The following USP19 variants were observed in gnomAD, a reference collection of about 807,000 sequenced individuals.
The protein encoded by USP19 is ubiquitin specific peptidase 19.
In USP19, 40 loss-of-function variants were observed where a neutral mutation model predicts 144.8. The observed-to-expected ratio is 0.28, with a 90% confidence interval of 0.21 to 0.36. USP19 has a LOEUF of 0.36. Ranked by LOEUF, USP19 falls within the 10% of genes least tolerant of loss-of-function variation. The pLI is 1.00. For missense variants in USP19, 1,518 were observed against 1,822.5 expected (o/e 0.83, Z 3.04); for synonymous variants, 701 against 709.3 (o/e 0.99, Z 0.19).
rs866395780 is a variant in USP19 at position 49,110,474 on chromosome 3, T to C, written c.3829A>G (p.Asn1277Asp). The C allele has an allele frequency of 1.2e-6, 2 of 1,614,172 alleles. No individual in the cohort carries two copies. Among genetic ancestry groups the C allele is most frequent in the Non-Finnish European group, 8.5e-7 (1 of 1,180,028 alleles). Residue 1277 changes from asparagine (N) to aspartate (D), a missense_variant, in exon 25 of 27, where the codon AAT becomes GAT. Physicochemically the swap from Asn to Asp is conservative, Grantham distance 23 (BLOSUM62 1). This residue lies in a region of USP19 where 122 missense variants were observed against 200.4 expected (regional missense o/e 0.61). Transcript: ENST00000417901. This position sits in a 1 kb window ranked among gnomAD's most constrained non-coding sequence, Gnocchi z 6.1. ...GHYTACARLPNDRSSQRSDVG... is the reference protein window; with the variant it reads ...GHYTACARLPDDRSSQRSDVG... ...TCACTGCGCTGACTGCTACGATCAT[T>C]GGGCAGGCGTGCACAGGCAGTGTAG...
intron 2 of USP19, among the ~76,000 whole-genome samples, chr3:49,118,746 C>CA (rs1360505546): frequency 5.5e-4 from 72 of 131,662 alleles, no homozygotes; most frequent in African/African-American, 1.1e-3. Context: ...GACTCCATCT[C>CA]AAAAAAAAAA....
chr3:49,110,112 C>A lies in USP19; in HGVS notation c.4038+72G>T. 1.4e-6 allele frequency: 2 copies of A among 1,428,832 alleles called. No homozygotes were observed. Among genetic ancestry groups the A allele is most frequent in the Non-Finnish European group, 1.8e-6 (2 of 1,092,244 alleles). 88.5% of individuals were successfully genotyped at this position (1,428,832 alleles called of 1,614,324 possible). A position where few individuals can be genotyped will look rare whatever the true frequency, so the allele number is the denominator to read the frequency against. On this transcript the variant is annotated intron_variant, in intron 26 of 26. Transcript: ENST00000417901. The surrounding 1 kb of genome is among the most constrained non-coding windows in gnomAD (Gnocchi z 6.1). The stretch of plus-strand genomic sequence containing the variant: ...GGGCCTGTGGCTGGAGGAGAGGAAG[C>A]TATATCCCCCAACCCGGCCCCAGTC...
chr3:49,108,419 ACCT>A lies in USP19; in HGVS notation c.4145_4147del (p.Glu1382del). 7.2e-7 allele frequency: 1 copy of A among 1,387,190 alleles called. No homozygotes were observed. Among genetic ancestry groups the A allele is most frequent in the Non-Finnish European group, 9.5e-7 (1 of 1,054,254 alleles). 85.9% of individuals were successfully genotyped at this position (1,387,190 alleles called of 1,614,324 possible). A position where few individuals can be genotyped will look rare whatever the true frequency, so the allele number is the denominator to read the frequency against. ...CCATCAGCCAGGGACCTGCTAATCC[ACCT>A]CCTCCATGTTGCTGTAGGTGGGGGC... is the stretch of plus-strand genomic sequence containing the variant. On this transcript the variant is annotated inframe_deletion, in exon 27 of 27. Coordinates refer to ENST00000417901, the MANE Select transcript of USP19 (RefSeq NM_001199161.2). This position sits in a 1 kb window ranked among gnomAD's most constrained non-coding sequence, Gnocchi z 4.8.
chr3:49,112,764 T>A lies in USP19; in HGVS notation c.2506-135A>T, dbSNP rs558531686. On this transcript the variant is annotated intron_variant, in intron 17 of 26. Transcript: ENST00000417901. This position sits in a 1 kb window ranked among gnomAD's most constrained non-coding sequence, Gnocchi z 4.9. ...AGGTCTGTAGGCCCAAATAGGCTTA[T>A]GCCTCTGCTGGCACCTGTCTCAGTG... The A allele has an allele frequency of 1.4e-4, 173 of 1,258,532 alleles. 2 individuals carry two copies. The South Asian group carries it at 2.7e-3, about 19-fold the overall frequency. 78.0% of individuals were successfully genotyped at this position (1,258,532 alleles called of 1,614,324 possible).
chr3:49,110,897 A>C lies in USP19; in HGVS notation c.3546-34T>G, dbSNP rs1377288261. 5 of 1,613,734 alleles carry C rather than the reference A, an allele frequency of 3.1e-6. 1 individual carries two copies. The Admixed American group carries it at 8.3e-5, about 27-fold the overall frequency. ...GACAGAGATTGGGTCAGGACCAGCA[A>C]GTCTCTCTCTTCTCCATCCTGCCCC... On this transcript the variant is annotated intron_variant, in intron 23 of 26. Coordinates refer to ENST00000417901, the MANE Select transcript of USP19 (RefSeq NM_001199161.2). The surrounding 1 kb of genome is among the most constrained non-coding windows in gnomAD (Gnocchi z 6.1).
intron 26 of USP19, chr3:49,109,319 G>T: frequency 8.5e-7 from 1 of 1,173,676 alleles, no homozygotes; most frequent in Non-Finnish European, 1.1e-6. Flanking sequence ...ACAGCAAGGA[G>T]GAAGGCAGGC....
In USP19 at chr3:49,115,913, C is replaced by T. The variant is rs1401929806; in HGVS notation, c.1503G>A (p.Pro501=). 3.8e-6 allele frequency: 6 copies of T among 1,563,488 alleles called. No homozygotes were observed. The highest frequency in any genetic ancestry group is 2.3e-5 in the East Asian group (1 of 44,418). Residue 501 remains proline (P), a synonymous_variant, in exon 11 of 27, where the codon CCG becomes CCA. Transcript: ENST00000417901. The surrounding 1 kb of genome is among the most constrained non-coding windows in gnomAD (Gnocchi z 6.6). ...GAVGGAKVAV[P]TGPTPLDSTP... ...TTGAATCCAGAGGGGTTGGACCTGT[C>T]GGCACGGCAACCTTTGCACCACCCA...
In USP19 at chr3:49,116,600, C is replaced by A. The variant is rs796052187; in HGVS notation, c.1134G>T (p.Glu378Asp). 1 of 1,614,164 alleles carries A rather than the reference C, an allele frequency of 6.2e-7. No individual in the cohort carries two copies. Among genetic ancestry groups the A allele is most frequent in the East Asian group, 2.2e-5 (1 of 44,886 alleles). ...TGACAAACGCCAGGTTCACCATCGA[C>A]TCGGGCTCTATATTGAGACCATGGC... Reference protein sequence around the residue: ...ADAATLVDEPESMVNLAFVKN... With the variant: ...ADAATLVDEPDSMVNLAFVKN... The change falls in exon 8 of 27, where the codon GAG becomes GAT. Residue 378 changes from glutamate (E) to aspartate (D), a missense_variant. Physicochemically the swap from Glu to Asp is conservative, Grantham distance 45. This residue lies in a region of USP19 where 707 missense variants were observed against 728.9 expected (regional missense o/e 0.97). Transcript: ENST00000417901. The surrounding 1 kb of genome is among the most constrained non-coding windows in gnomAD (Gnocchi z 5.0).
At chr3:49,113,736 T>C (rs958221308) in intron 17 of USP19, among the ~76,000 whole-genome samples, 3 of 152,208 alleles carry the variant, frequency 2.0e-5, no homozygotes, top group Admixed American at 2.0e-4. Flanking sequence ...TAGCTGGGAC[T>C]ATAACACGTA....
rs781460212 is a variant in USP19, at chr3:49,112,451, C to T, written c.2646+38G>A. The T allele has an allele frequency of 6.2e-7, 1 of 1,613,836 alleles. No homozygotes were observed. The highest frequency in any genetic ancestry group is 1.7e-5 in the Admixed American group (1 of 60,012). ...CAAGACCAGGAAGAAGTGCCCCACC[C>T]ACCAGGGCGCTGTGCCATCAGGTTG... On this transcript the variant is annotated intron_variant, in intron 18 of 26. Coordinates refer to ENST00000417901, the MANE Select transcript of USP19 (RefSeq NM_001199161.2). The surrounding 1 kb of genome is among the most constrained non-coding windows in gnomAD (Gnocchi z 4.9).
In USP19 at chr3:49,116,989, G is replaced by A. The variant is rs779533264; in HGVS notation, c.910-46C>T. 5.0e-5 allele frequency: 79 copies of A among 1,587,046 alleles called. No individual in the cohort carries two copies. Among genetic ancestry groups the A allele is most frequent in the Non-Finnish European group, 6.4e-5 (75 of 1,164,944 alleles). On this transcript the variant is annotated intron_variant, in intron 6 of 26. Transcript: ENST00000417901. The surrounding 1 kb of genome is among the most constrained non-coding windows in gnomAD (Gnocchi z 5.0). ...GAAAGAATCAGCCCTGGGTCTGCCA[G>A]GTGGCTCCCACTCCAGTGCACACCC...
chr3:49,108,817 G>T lies in USP19; in HGVS notation c.4039-289C>A. 2.1e-6 allele frequency: 3 copies of T among 1,443,840 alleles called. No homozygotes were observed. The highest frequency in any genetic ancestry group is 2.7e-6 in the Non-Finnish European group (3 of 1,098,510). 89.4% of individuals were successfully genotyped at this position (1,443,840 alleles called of 1,614,324 possible). A position where few individuals can be genotyped will look rare whatever the true frequency, so the allele number is the denominator to read the frequency against. On this transcript the variant is annotated intron_variant, in intron 26 of 26. Transcript: ENST00000417901. This position sits in a 1 kb window ranked among gnomAD's most constrained non-coding sequence, Gnocchi z 4.8. ...ACACACCCTAGGATACTCTGCCCCT[G>T]CAGGGGCCACAACCTCCCCACCCTC...
Position 49,110,086 on chromosome 3 carries a change from T to A in USP19, c.4038+98A>T. On this transcript the variant is annotated intron_variant, in intron 26 of 26. Coordinates refer to ENST00000417901, the MANE Select transcript of USP19 (RefSeq NM_001199161.2). This position sits in a 1 kb window ranked among gnomAD's most constrained non-coding sequence, Gnocchi z 6.1. ...AATTCTCATGAATCCCAAGGCTCAA[T>A]GGGCCTGTGGCTGGAGGAGAGGAAG... The A allele has an allele frequency of 7.4e-7, 1 of 1,354,940 alleles. No homozygotes were observed. The highest frequency in any genetic ancestry group is 9.7e-7 in the Non-Finnish European group (1 of 1,033,976). 83.9% of individuals were successfully genotyped at this position (1,354,940 alleles called of 1,614,324 possible).
rs1435458968 is a variant in USP19 at position 49,110,993 on chromosome 3, T to C, written c.3502A>G (p.Asn1168Asp). Reference protein sequence around the residue: ...AGHFTLDQCLNLFTRPEVLAP... With the variant: ...AGHFTLDQCLDLFTRPEVLAP... ...AGCACCTCAGGCCGTGTGAAGAGGT[T>C]GAGGCACTGGTCCAGGGTGAAGTGG... The change falls in exon 23 of 27, where the codon AAC becomes GAC. Residue 1168 changes from asparagine to aspartate, a missense_variant. Physicochemically the swap from Asn to Asp is conservative, Grantham distance 23. Transcript: ENST00000417901. This position sits in a 1 kb window ranked among gnomAD's most constrained non-coding sequence, Gnocchi z 6.1. The C allele has an allele frequency of 6.2e-7, 1 of 1,614,016 alleles. No individual in the cohort carries two copies. Among genetic ancestry groups the C allele is most frequent in the South Asian group, 1.1e-5 (1 of 91,082 alleles).
chr3:49,119,081 C>A lies in USP19; in HGVS notation c.65G>T (p.Ser22Ile). 3.1e-6 allele frequency: 5 copies of A among 1,614,198 alleles called. No individual in the cohort carries two copies. The highest frequency in any genetic ancestry group is 4.2e-6 in the Non-Finnish European group (5 of 1,180,042). The change falls in exon 2 of 27, where the codon AGT (serine) becomes ATT (isoleucine). Residue 22 changes from serine to isoleucine, a missense_variant. Ser to Ile is a moderately radical substitution (Grantham distance 142). Transcript: ENST00000417901. ...RGPPGLEDTTSKKKQKDRANQ... is the reference protein window; with the variant it reads ...RGPPGLEDTTIKKKQKDRANQ... The stretch of plus-strand genomic sequence containing the variant: ...TGCTCGATCCTTCTGCTTCTTCTTA[C>A]TAGTGGTGTCCTCCAGTCCTGGGGG...
rs2042632066 is a variant in USP19, at chr3:49,108,227, CCCA to C, written c.*182_*184del. 4.0e-6 allele frequency: 1 copy of C among 249,086 alleles called. No homozygotes were observed. Among genetic ancestry groups the C allele is most frequent in the Non-Finnish European group, 8.1e-6 (1 of 123,426 alleles). The allele number at this position is 249,086 out of a possible 1,614,324, so 15.4% of individuals were successfully genotyped here. A position where few individuals can be genotyped will look rare whatever the true frequency, so the allele number is the denominator to read the frequency against. The stretch of plus-strand genomic sequence containing the variant: ...CTGGAGGCGGCTGGAGAAGCCAAAG[CCCA>C]CTGGTCAGGGGTCCAAGCTGACAAG... On this transcript the variant is annotated 3_prime_UTR_variant, in exon 27 of 27. Transcript: ENST00000417901. The surrounding 1 kb of genome is among the most constrained non-coding windows in gnomAD (Gnocchi z 4.8).
In USP19 at chr3:49,112,200, T is replaced by C. The variant is rs993135818; in HGVS notation, c.2765+84A>G. On this transcript the variant is annotated intron_variant, in intron 19 of 26. Transcript: ENST00000417901. This position sits in a 1 kb window ranked among gnomAD's most constrained non-coding sequence, Gnocchi z 4.9. ...GGGTGGCAAGTAGAAAGCTTAAGCA[T>C]ATGTGCCTTGGTGTGAAGGGAAGGA... 6.4e-7 allele frequency: 1 copy of C among 1,550,624 alleles called. No individual in the cohort carries two copies. The highest frequency in any genetic ancestry group is 1.2e-5 in the South Asian group (1 of 84,994).
At chr3:49,109,208 T>C in intron 26 of USP19, 2 of 1,453,228 alleles carry the variant, frequency 1.4e-6, no homozygotes, top group South Asian at 1.5e-5. Context: ...GAAACGGCCA[T>C]CAGCACCCCG....
intron 2 of USP19, 133 bp from the exon 3 acceptor site, chr3:49,118,253 G>A (rs1489183868): frequency 8.2e-6 from 3 of 367,952 alleles, no homozygotes; most frequent in Non-Finnish European, 1.4e-5. Context: ...GTGCAAGAGT[G>A]AGACCCTGCC....
Sources: gnomAD v4.1 joint callset for allele counts (sites outside exome capture counted in the v4.1 genomes callset) on GRCh38, gnomAD v4.1.1 for gene constraint, gnomAD v4.1.1 regional missense constraint, Gnocchi (gnomAD v3.1) non-coding constraint, MANE v1.5 for transcripts, NCBI Gene and HGNC (gene_info 2026-07-23, HGNC 2026-07-21) for gene names.